PDE2A: variants seen among roughly 807,000 people sequenced by gnomAD.
PDE2A encodes the protein phosphodiesterase 2A, also known as cGMP-dependent 3',5'-cyclic phosphodiesterase.
PDE2A carries 53 observed loss-of-function variants against 133.6 expected under a neutral mutation model. The observed-to-expected ratio is 0.40, with a 90% CI of 0.32 to 0.50. The LOEUF (loss-of-function observed/expected upper bound fraction) is 0.50, where lower values mean the gene tolerates loss of function less well. Among genes scored for constraint, PDE2A ranks in the 20% least tolerant of loss-of-function variants. The pLI is 0.73. For synonymous variants in PDE2A, 491 were observed against 490.2 expected (o/e 1.00, Z -0.02); for missense variants, 796 against 1,232.4 (o/e 0.65, Z 5.30).
intron 2 of PDE2A, among the ~76,000 whole-genome samples, chr11:72,625,296 G>A (rs1858002467): frequency 6.6e-6 from 1 of 152,242 alleles, no homozygotes; most frequent in Non-Finnish European, 1.5e-5. Context: ...GGGATGGACA[G>A]AGGAGATCAG....
intron 7 of PDE2A, 177 bp downstream of exon 7, chr11:72,591,120 T>C: frequency 1.6e-6 from 1 of 644,278 alleles, no homozygotes; most frequent in Non-Finnish European, 2.8e-6. Flanking sequence ...TATCCCCATT[T>C]TCAGGTGTGA....
intron 22 of PDE2A, 126 bp downstream of exon 22, chr11:72,581,751 A>AC: frequency 2.1e-6 from 2 of 936,046 alleles, no homozygotes; most frequent in Non-Finnish European, 3.4e-6. Flanking sequence ...GATCCTCCCC[A>AC]CCCCCATAAG....
intron 2 of PDE2A, among the ~76,000 whole-genome samples, chr11:72,625,824 C>T (rs1858033059): frequency 6.6e-6 from 1 of 152,244 alleles, no homozygotes; most frequent in Non-Finnish European, 1.5e-5. Flanking sequence ...CCTCCTGCCC[C>T]AGCCGGTCTG....
Position 72,578,382 on chromosome 11 carries a change from A to T in PDE2A, c.2509-43T>A, listed in dbSNP as rs1459520855. ...TCAGGCCTGTCCCTCTCATTCCTCC[A>T]TCGGGTACCAGGGTCAGGCTAGTTC... On this transcript the variant is annotated intron_variant, in intron 29 of 30. Coordinates refer to ENST00000334456, the MANE Select transcript of PDE2A (RefSeq NM_002599.5). The surrounding 1 kb of genome is among the most constrained non-coding windows in gnomAD (Gnocchi z 4.2). 4.5e-6 allele frequency: 7 copies of T among 1,571,408 alleles called. No homozygotes were observed. Among genetic ancestry groups the T allele is most frequent in the African/African-American group, 2.7e-5 (2 of 74,060 alleles).
At chr11:72,584,381 C>T (rs764955040) in intron 18 of PDE2A, 68 bp from the exon 19 acceptor site, 3 of 1,276,418 alleles carry the variant, frequency 2.4e-6, no homozygotes, top group Non-Finnish European at 3.4e-6. Flanking sequence ...GGGATCCGGC[C>T]GGGACCTGCC....
At chr11:72,659,874 A>C (rs2135456634) in intron 1 of PDE2A, among the ~76,000 whole-genome samples, 2 of 152,244 alleles carry the variant, frequency 1.3e-5, no homozygotes, top group African/African-American at 4.8e-5. Context: ...CCTCACATCC[A>C]AGGCTTGCCC....
chr11:72,642,119 C>G, intron 2 of PDE2A, 135 bp downstream of exon 2: 1 of 1,233,602 alleles, frequency 8.1e-7, no homozygotes, highest in Non-Finnish European at 1.0e-6. Context: ...TCTGCGCTGC[C>G]GTCCCAGCAC....
At chr11:72,581,760 A>C in intron 22 of PDE2A, 117 bp downstream of exon 22, 2 of 996,158 alleles carry the variant, frequency 2.0e-6, no homozygotes, top group Non-Finnish European at 3.2e-6. Context: ...CACCCCCATA[A>C]GACTGGGTCT....
chr11:72,669,223 G>A (rs1855327794), intron 1 of PDE2A, among the ~76,000 whole-genome samples: 1 of 152,164 alleles, frequency 6.6e-6, no homozygotes, highest in Non-Finnish European at 1.5e-5. Context: ...CACCTTCTCT[G>A]CTCTATCTTC....
intron 1 of PDE2A, among the ~76,000 whole-genome samples, chr11:72,660,935 G>A (rs971999091): frequency 1.3e-5 from 2 of 152,106 alleles, no homozygotes; most frequent in Non-Finnish European, 2.9e-5. Context: ...AAGCCTAGAA[G>A]AAACATAAGA....
intron 1 of PDE2A, among the ~76,000 whole-genome samples, chr11:72,671,333 A>T (rs1855378873): frequency 6.6e-6 from 1 of 152,216 alleles, no homozygotes; most frequent in African/African-American, 2.4e-5. Flanking sequence ...GAATGAATGA[A>T]TGCAGCAATG....
Position 72,593,180 on chromosome 11 carries a change from T to TAC in PDE2A, c.490-1826_490-1825dup, listed in dbSNP as rs111253499. Among the ~76,000 whole-genome samples, 386 of 149,196 alleles carry TAC rather than the reference T, an allele frequency of 2.6e-3. 1 individual carries two copies. The highest frequency in any genetic ancestry group is 4.8e-3 in the East Asian group (24 of 5,016). On this transcript the variant is annotated intron_variant, in intron 6 of 30. Transcript: ENST00000334456. The stretch of plus-strand genomic sequence containing the variant: ...TACACTCAATCTCCCATGGAGGTGG[T>TAC]ACACACACACACACACACACGGTGC...
In PDE2A at chr11:72,590,005, AG is replaced by A; in HGVS notation, c.757-25del. ...AGCTGAGAGAGGGACAGGCAGGGCG[AG>A]GGGGTGACCGCGGATCCGGGTCACC... On this transcript the variant is annotated intron_variant, in intron 9 of 30. Coordinates refer to ENST00000334456, the MANE Select transcript of PDE2A (RefSeq NM_002599.5). The surrounding 1 kb of genome is among the most constrained non-coding windows in gnomAD (Gnocchi z 4.8). 3 of 1,588,760 alleles carry A rather than the reference AG, an allele frequency of 1.9e-6. No individual in the cohort carries two copies. Among genetic ancestry groups the A allele is most frequent in the Non-Finnish European group, 2.6e-6 (3 of 1,164,132 alleles).
chr11:72,625,191 A>T (rs954983115), intron 2 of PDE2A, among the ~76,000 whole-genome samples: 3 of 151,328 alleles, frequency 2.0e-5, no homozygotes, highest in Non-Finnish European at 4.4e-5. Context: ...CTGCCTCCCC[A>T]CTCCAACATT....
At chr11:72,645,125 G>A (rs1859097949) in intron 1 of PDE2A, among the ~76,000 whole-genome samples, 1 of 152,182 alleles carries the variant, frequency 6.6e-6, no homozygotes, top group African/African-American at 2.4e-5. Context: ...CCTGGTGTGT[G>A]CTCTATGTGT....
At chr11:72,668,510 C>T (rs1039399135) in intron 1 of PDE2A, 19 of 700,594 alleles carry the variant, frequency 2.7e-5, no homozygotes, top group Non-Finnish European at 3.9e-5. Flanking sequence ...CATAGCAAGC[C>T]AGGGGGTCCC....
In PDE2A at chr11:72,599,157, C is replaced by T. The variant is rs377658979; in HGVS notation, c.324-1538G>A. The T allele has an allele frequency of 7.3e-4, 252 of 345,494 alleles. 2 individuals are homozygous for T. The South Asian group carries it at 0.025, about 34-fold the overall frequency. The allele number at this position is 345,494 out of a possible 1,614,324, so 21.4% of individuals were successfully genotyped here. A position where few individuals can be genotyped will look rare whatever the true frequency, so the allele number is the denominator to read the frequency against. On this transcript the variant is annotated intron_variant, in intron 4 of 30. Coordinates refer to ENST00000334456, the MANE Select transcript of PDE2A (RefSeq NM_002599.5). ...AGTGCGCACTGCAGCCTCATCCTGC[C>T]GACTCCCAACTATTTCCCCTCCCAC...
intron 16 of PDE2A, 184 bp downstream of exon 16, chr11:72,585,187 C>G: frequency 1.5e-6 from 1 of 659,094 alleles, no homozygotes; most frequent in East Asian, 2.7e-5. Context: ...AAAGCCAGCC[C>G]TGTCCCTGCT....
intron 1 of PDE2A, among the ~76,000 whole-genome samples, chr11:72,656,404 C>G (rs1233799136): frequency 6.6e-6 from 1 of 152,144 alleles, no homozygotes; most frequent in Admixed American, 6.5e-5. Context: ...CCTGTAGGTG[C>G]CTAACTCAGC....
Sources: gnomAD v4.1 joint callset for allele counts (sites outside exome capture counted in the v4.1 genomes callset) on GRCh38, gnomAD v4.1.1 for gene constraint, Gnocchi (gnomAD v3.1) non-coding constraint, MANE v1.5 for transcripts, NCBI Gene and HGNC (gene_info 2026-07-23, HGNC 2026-07-21) for gene names.